The following ZNF469 variants were observed in gnomAD, a reference collection of about 807,000 sequenced individuals.
The protein encoded by ZNF469 is zinc finger protein 469.
A neutral mutation model predicts 1.0 loss-of-function variants in ZNF469; 1 was observed. The observed-to-expected ratio is 1.00, with a 90% CI of 0.35 to 4.73. ZNF469 has a LOEUF of 4.73. Among genes scored for constraint, ZNF469 ranks in the 30% most tolerant of loss-of-function variants. The probability of loss-of-function intolerance (pLI) is 0.16; values close to 1 mark genes in which losing one functional copy is unlikely to be tolerated. For synonymous variants in ZNF469, 2,703 were observed against 2,363.4 expected, an observed-to-expected ratio of 1.14 and a Z score of -4.17; for missense variants, 6,100 against 5,356.3, an observed-to-expected ratio of 1.14 and a Z score of -4.33.
the ZNF469 span, among the ~76,000 whole-genome samples, chr16:88,185,314 C>T: frequency 3.3e-5 from 5 of 152,256 alleles, no homozygotes; most frequent in Admixed American, 2.6e-4. Context: ...CTCTCACAGT[C>T]ACACATTCAC....
chr16:88,101,933 G>T, the ZNF469 span, among the ~76,000 whole-genome samples: 3 of 152,138 alleles, frequency 2.0e-5, no homozygotes, highest in South Asian at 2.1e-4. Flanking sequence ...TCTTGGCTCC[G>T]TCAGGATCCT....
the ZNF469 span, among the ~76,000 whole-genome samples, chr16:88,176,709 TG>T: frequency 6.6e-6 from 1 of 152,360 alleles, no homozygotes; most frequent in East Asian, 1.9e-4. Flanking sequence ...CTGCCTGTGG[TG>T]GGTCGGCCCG....
the ZNF469 span, among the ~76,000 whole-genome samples, chr16:88,267,873 G>A: frequency 6.6e-6 from 1 of 152,152 alleles, no homozygotes; most frequent in South Asian, 2.1e-4. Flanking sequence ...GGCACTGCCG[G>A]GTCCTGAGTA....
Position 88,432,082 on chromosome 16 carries a change from G to A in ZNF469, c.4612G>A (p.Ala1538Thr), listed in dbSNP as rs200684392. 396 of 1,550,506 alleles carry A rather than the reference G, an allele frequency of 2.6e-4. No homozygotes were observed. The African/African-American group carries it at 3.7e-3, about 15-fold the overall frequency. The part of the protein sequence containing the change: ...CPPERTVVPG[A>T]APSLPGKGSG... ...CCCTGAACGGACAGTGGTTCCCGGC[G>A]CCGCCCCATCTTTGCCTGGGAAGGG... Residue 1538 changes from alanine to threonine, a missense_variant, in exon 3 of 3, where the codon GCC (alanine) becomes ACC (threonine). Transcript: ENST00000565624.
chr16:88,257,948 G>C, the ZNF469 span, among the ~76,000 whole-genome samples: 7 of 152,340 alleles, frequency 4.6e-5, no homozygotes, highest in East Asian at 1.2e-3. Flanking sequence ...TGTGCGTCCA[G>C]AAGCTCCTTT....
the ZNF469 span, among the ~76,000 whole-genome samples, chr16:88,303,376 G>A: frequency 6.6e-6 from 1 of 152,210 alleles, no homozygotes; most frequent in Non-Finnish European, 1.5e-5. Flanking sequence ...ACCCTCGCCA[G>A]CGCTGTTCTT....
chr16:88,372,637 C>T, the ZNF469 span, among the ~76,000 whole-genome samples: 2 of 151,480 alleles, frequency 1.3e-5, no homozygotes, highest in African/African-American at 4.9e-5. Flanking sequence ...ACCATCACCA[C>T]CATCATCATT....
the ZNF469 span, among the ~76,000 whole-genome samples, chr16:88,272,493 G>A: frequency 6.9e-6 from 1 of 145,674 alleles, no homozygotes; most frequent in African/African-American, 2.5e-5. Context: ...TAGATGAGTG[G>A]ATAGATGAAT....
At chr16:88,371,382 T>C in the ZNF469 span, among the ~76,000 whole-genome samples, 1 of 152,236 alleles carries the variant, frequency 6.6e-6, no homozygotes, top group African/African-American at 2.4e-5. Flanking sequence ...CACATTTACA[T>C]AGGACGTGAC....
Position 88,429,625 on chromosome 16 carries a change from C to A in ZNF469, c.2155C>A (p.Leu719Ile). 3.2e-6 allele frequency: 5 copies of A among 1,545,500 alleles called. No homozygotes were observed. The South Asian group carries it at 6.0e-5, about 18-fold the overall frequency. ...TCCGTACCCCACACACCACTTCTCC[C>A]TCAGCAGCGCCAGCCTGGACCAGCT... ...PPPYPTHHFS[L>I]SSASLDQLDV... Residue 719 changes from leucine (L) to isoleucine (I), a missense_variant, in exon 3 of 3, where the codon CTC becomes ATC. Coordinates refer to ENST00000565624, the MANE Select transcript of ZNF469 (RefSeq NM_001367624.2).
chr16:88,241,516 A>G, the ZNF469 span, among the ~76,000 whole-genome samples: 37,485 of 151,906 alleles, frequency 0.25, 4,817 homozygotes, highest in South Asian at 0.45. The surrounding 1 kb of genome is among the most constrained non-coding windows in gnomAD (Gnocchi z 4.8). Flanking sequence ...ACCAGGGCCC[A>G]GGCGACAACT....
chr16:88,231,148 C>T, the ZNF469 span, among the ~76,000 whole-genome samples: 3 of 152,156 alleles, frequency 2.0e-5, no homozygotes, highest in African/African-American at 7.2e-5. The surrounding 1 kb of genome is among the most constrained non-coding windows in gnomAD (Gnocchi z 4.5). Context: ...TCATCAGAAC[C>T]CATGGATGGC....
At position 88,438,652 on chromosome 16, in the gene ZNF469, C is replaced by T. The variant is rs1483624906; in HGVS notation, c.11182C>T (p.Pro3728Ser). ...GMKPATPKAK[P>S]GPSSQGSGSP... ...GAAGCCCGCCACCCCCAAAGCCAAACCCGGCCCCAGCTCCCAGGGCAGTGG... is the reference window on the plus strand; with the variant it reads ...GAAGCCCGCCACCCCCAAAGCCAAATCCGGCCCCAGCTCCCAGGGCAGTGG... The change falls in exon 3 of 3, where the codon CCC becomes TCC. Residue 3728 changes from proline to serine, a missense_variant. Pro to Ser is a moderately conservative substitution (Grantham distance 74). Coordinates refer to ENST00000565624, the MANE Select transcript of ZNF469 (RefSeq NM_001367624.2). The T allele has an allele frequency of 6.5e-7, 1 of 1,550,092 alleles. No individual in the cohort carries two copies. Among genetic ancestry groups the T allele is most frequent in the Non-Finnish European group, 8.7e-7 (1 of 1,146,894 alleles).
the ZNF469 span, among the ~76,000 whole-genome samples, chr16:88,248,390 T>C: frequency 2.6e-5 from 4 of 152,280 alleles, no homozygotes; most frequent in South Asian, 8.3e-4. Flanking sequence ...GTCCAGTTTC[T>C]CTCTCAGAGT....
intron 1 of ZNF469, among the ~76,000 whole-genome samples, chr16:88,383,753 G>A (rs535658995): frequency 6.6e-6 from 1 of 152,062 alleles, no homozygotes; most frequent in Non-Finnish European, 1.5e-5. Context: ...CTCCGAGCGC[G>A]GCATAGGCTT....
chr16:88,296,650 G>A, the ZNF469 span, among the ~76,000 whole-genome samples: 3 of 151,356 alleles, frequency 2.0e-5, no homozygotes, highest in Non-Finnish European at 4.4e-5. Flanking sequence ...ATACACACAT[G>A]CACAGACATG....
At chr16:88,394,761 G>T (rs982277232) in intron 1 of ZNF469, among the ~76,000 whole-genome samples, 1 of 152,228 alleles carries the variant, frequency 6.6e-6, no homozygotes, top group Non-Finnish European at 1.5e-5. Context: ...GGGGCTCAGG[G>T]CCTCTCAGAG....
At chr16:88,303,308 A>G in the ZNF469 span, among the ~76,000 whole-genome samples, 1 of 152,252 alleles carries the variant, frequency 6.6e-6, no homozygotes, top group Non-Finnish European at 1.5e-5. Context: ...GTATCATTGC[A>G]TAAGTTCTCC....
the ZNF469 span, among the ~76,000 whole-genome samples, chr16:88,190,746 A>G: frequency 1.3e-5 from 2 of 152,230 alleles, no homozygotes; most frequent in Non-Finnish European, 1.5e-5. Flanking sequence ...CTAGGGAAGT[A>G]TGTTGAGTAA....
Sources: gnomAD v4.1 joint callset for allele counts (sites outside exome capture counted in the v4.1 genomes callset) on GRCh38, gnomAD v4.1.1 for gene constraint, Gnocchi (gnomAD v3.1) non-coding constraint, MANE v1.5 for transcripts, NCBI Gene and HGNC (gene_info 2026-07-23, HGNC 2026-07-21) for gene names.